The following CAMK2G variants were observed in gnomAD, a reference collection of about 807,000 sequenced individuals.
CAMK2G encodes calcium/calmodulin dependent protein kinase II gamma.
CAMK2G carries 23 observed loss-of-function variants against 88.7 expected under a neutral mutation model. The ratio of observed to expected loss-of-function variants is 0.26; its 90% CI spans 0.19 to 0.37. The LOEUF (loss-of-function observed/expected upper bound fraction) is 0.37, where lower values mean the gene tolerates loss of function less well. Among genes scored for constraint, CAMK2G ranks in the 10% least tolerant of loss-of-function variants. CAMK2G has a pLI of 1.00. For synonymous variants in CAMK2G, 263 were observed against 294.8 expected (o/e 0.89, Z 1.11); for missense variants, 476 against 780.8 (o/e 0.61, Z 4.65).
At chr10:73,830,318 G>T (rs1416252833) in intron 14 of CAMK2G, among the ~76,000 whole-genome samples, 1 of 151,966 alleles carries the variant, frequency 6.6e-6, no homozygotes, top group Admixed American at 6.6e-5. Context: ...CTATTGCCCG[G>T]GCTGAAGTAC....
At chr10:73,840,023 G>A (rs1420138095) in intron 12 of CAMK2G, among the ~76,000 whole-genome samples, 3 of 152,162 alleles carry the variant, frequency 2.0e-5, no homozygotes, top group Admixed American at 6.5e-5. Flanking sequence ...GAGAGTGCCG[G>A]GGGCGCAGAG....
intron 20 of CAMK2G, 33 bp from the exon 21 acceptor site, chr10:73,817,150 G>C (rs1346140704): frequency 6.3e-7 from 1 of 1,576,480 alleles, no homozygotes; most frequent in Non-Finnish European, 8.6e-7. Flanking sequence ...AGCCTATCAG[G>C]CTTCTATGGA....
intron 10 of CAMK2G, among the ~76,000 whole-genome samples, chr10:73,844,121 C>G (rs1396734521): frequency 6.6e-6 from 1 of 151,014 alleles, no homozygotes; most frequent in Non-Finnish European, 1.5e-5. Flanking sequence ...GAAACAGCAT[C>G]TCACTCTGTT....
In CAMK2G at chr10:73,842,324, C is replaced by T; in HGVS notation, c.904-113G>A. ...CTGAAGACATCAGGCCTCTGGGCCC[C>T]CTCCCCTGTGACATGTACAACCTTC... is the stretch of plus-strand genomic sequence containing the variant. On this transcript the variant is annotated intron_variant, in intron 11 of 22. Transcript: ENST00000423381. The surrounding 1 kb of genome is among the most constrained non-coding windows in gnomAD (Gnocchi z 4.6). 2 of 1,157,162 alleles carry T rather than the reference C, an allele frequency of 1.7e-6. No homozygotes were observed. The highest frequency in any genetic ancestry group is 3.4e-5 in the Admixed American group (2 of 58,454). The allele number at this position is 1,157,162 out of a possible 1,614,324, so 71.7% of individuals were successfully genotyped here.
rs1258324545 is a variant in CAMK2G at position 73,839,727 on chromosome 10, A to G, written c.947-126T>C. 1.1e-5 allele frequency: 5 copies of G among 476,014 alleles called. No homozygotes were observed. The highest frequency in any genetic ancestry group is 1.7e-5 in the Non-Finnish European group (5 of 298,780). The allele number at this position is 476,014 out of a possible 1,614,324, so 29.5% of individuals were successfully genotyped here. A position where few individuals can be genotyped will look rare whatever the true frequency, so the allele number is the denominator to read the frequency against. The stretch of plus-strand genomic sequence containing the variant: ...CAAGCCAGCCGAGCTGGGGGAGCGG[A>G]GCGCCAGGGGCAGGCTGAGGAGGTA... On this transcript the variant is annotated intron_variant, in intron 12 of 22. Coordinates refer to ENST00000423381, the MANE Select transcript of CAMK2G (RefSeq NM_001367534.1). The surrounding 1 kb of genome is among the most constrained non-coding windows in gnomAD (Gnocchi z 4.2).
intron 5 of CAMK2G, among the ~76,000 whole-genome samples, chr10:73,850,456 C>G (rs1025100918): frequency 1.3e-5 from 2 of 152,194 alleles, no homozygotes; most frequent in Non-Finnish European, 2.9e-5. Context: ...TTGGCAATGC[C>G]TAGAGAAATT....
intron 14 of CAMK2G, among the ~76,000 whole-genome samples, chr10:73,834,165 G>T (rs191671014): frequency 2.0e-5 from 3 of 151,210 alleles, no homozygotes. Context: ...TGATCCACCC[G>T]CCTCGGCCTC....
rs372470217 is a variant in CAMK2G at position 73,861,379 on chromosome 10, G to A, written c.161-490C>T. Among the ~76,000 whole-genome samples, 12 of 152,192 alleles carry A rather than the reference G, an allele frequency of 7.9e-5. No individual in the cohort carries two copies. The East Asian group carries it at 1.7e-3, about 22-fold the overall frequency. ...GAATCTCTTTTTTTCTTTCTGAGAC[G>A]GAGTCTCGTTCTGTTGCCCAGGCTG... On this transcript the variant is annotated intron_variant, in intron 2 of 22. Transcript: ENST00000423381.
intron 14 of CAMK2G, among the ~76,000 whole-genome samples, chr10:73,832,369 C>T (rs1189557357): frequency 2.6e-5 from 4 of 151,710 alleles, no homozygotes; most frequent in African/African-American, 7.3e-5. Flanking sequence ...AGTGCAGTGG[C>T]GCACTTGGCT....
Position 73,842,284 on chromosome 10 carries a change from G to C in CAMK2G, c.904-73C>G, listed in dbSNP as rs576270793. 3.3e-4 allele frequency: 447 copies of C among 1,351,128 alleles called. 4 individuals carry two copies. In the South Asian group the frequency reaches 4.2e-3, roughly 13 times the overall value. The allele number at this position is 1,351,128 out of a possible 1,614,324, so 83.7% of individuals were successfully genotyped here. A position where few individuals can be genotyped will look rare whatever the true frequency, so the allele number is the denominator to read the frequency against. ...GGCAGGCTGGTCTCAGGCAAAGGCA[G>C]GTCCTGGCTAGAGCCTGAAGACATC... On this transcript the variant is annotated intron_variant, in intron 11 of 22. Coordinates refer to ENST00000423381, the MANE Select transcript of CAMK2G (RefSeq NM_001367534.1). This position sits in a 1 kb window ranked among gnomAD's most constrained non-coding sequence, Gnocchi z 4.6.
At chr10:73,816,779 G>A (rs1013093928) in intron 21 of CAMK2G, 5 of 1,480,396 alleles carry the variant, frequency 3.4e-6, no homozygotes, top group South Asian at 1.2e-5. Context: ...GAGCTTGATT[G>A]TGGTGACTGG....
chr10:73,859,270 G>A (rs1043314271), intron 3 of CAMK2G, among the ~76,000 whole-genome samples: 11 of 152,202 alleles, frequency 7.2e-5, no homozygotes, highest in African/African-American at 1.7e-4. Flanking sequence ...AGTGGCCAGC[G>A]GGCTGCAGGG....
chr10:73,858,897 T>C (rs938554287), intron 3 of CAMK2G, among the ~76,000 whole-genome samples: 1 of 152,250 alleles, frequency 6.6e-6, no homozygotes, highest in African/African-American at 2.4e-5. Flanking sequence ...GACCCGTCCG[T>C]GGCCAACCCA....
Position 73,864,434 on chromosome 10 carries a change from G to A in CAMK2G, c.161-3545C>T, listed in dbSNP as rs115989915. Among the ~76,000 whole-genome samples, 1,170 of 152,338 alleles carry A rather than the reference G, an allele frequency of 7.7e-3. 15 individuals carry two copies. Among genetic ancestry groups the A allele is most frequent in the African/African-American group, 0.027 (1,111 of 41,568 alleles). On this transcript the variant is annotated intron_variant, in intron 2 of 22. Coordinates refer to ENST00000423381, the MANE Select transcript of CAMK2G (RefSeq NM_001367534.1). ...ACTCTAGTGGGTTGTGTATGGGGGA[G>A]GGATGGACAGTAAGAAAACTCAACA...
chr10:73,847,386 G>C (rs776118845), intron 9 of CAMK2G, 39 bp from the exon 10 acceptor site: 43 of 1,610,110 alleles, frequency 2.7e-5, no homozygotes, highest in Non-Finnish European at 3.6e-5. Context: ...TGGTATTGGT[G>C]AGCTTCATAC....
At chr10:73,843,824 T>C (rs1261304729) in intron 10 of CAMK2G, among the ~76,000 whole-genome samples, 1 of 152,110 alleles carries the variant, frequency 6.6e-6, no homozygotes, top group African/African-American at 2.4e-5. Context: ...TGTAAATTTC[T>C]CCAAAAGCAA....
chr10:73,840,121 T>A (rs2093656384), intron 12 of CAMK2G, among the ~76,000 whole-genome samples: 1 of 151,928 alleles, frequency 6.6e-6, no homozygotes, highest in Admixed American at 6.6e-5. Flanking sequence ...GCAGCTAAGT[T>A]TACTGGTGGG....
rs60725888 is a variant in CAMK2G at position 73,829,700 on chromosome 10, G to GGTGTGTGTGTGTGTGT, written c.1054-1595_1054-1580dup. 6.6e-4 allele frequency among the ~76,000 whole-genome samples: 92 copies of GGTGTGTGTGTGTGTGT among 138,438 alleles called. 1 individual carries two copies. The highest frequency in any genetic ancestry group is 3.5e-3 in the Middle Eastern group (1 of 284). 90.8% of individuals were successfully genotyped at this position (138,438 alleles called of 152,430 possible). ...TTATATTCATATATATAAGTAGTGG[G>GGTGTGTGTGTGTGTGT]GTGTGTGTGTGTGTGTGTGTGTGTG... On this transcript the variant is annotated intron_variant, in intron 14 of 22. Transcript: ENST00000423381.
chr10:73,821,315 G>T (rs2088622329), intron 18 of CAMK2G, among the ~76,000 whole-genome samples: 2 of 152,090 alleles, frequency 1.3e-5, no homozygotes, highest in South Asian at 4.2e-4. Context: ...GGAGTGATTG[G>T]TCACTCTATT....
Sources: gnomAD v4.1 joint callset for allele counts (sites outside exome capture counted in the v4.1 genomes callset) on GRCh38, gnomAD v4.1.1 for gene constraint, Gnocchi (gnomAD v3.1) non-coding constraint, MANE v1.5 for transcripts, NCBI Gene and HGNC (gene_info 2026-07-23, HGNC 2026-07-21) for gene names.